The following PDE3B variants were observed in gnomAD, a reference collection of about 807,000 sequenced individuals.
PDE3B encodes cGMP-inhibited 3',5'-cyclic phosphodiesterase 3B.
A neutral mutation model predicts 116.8 loss-of-function variants in PDE3B; 66 were observed. That is an observed-to-expected ratio of 0.56 (90% CI 0.46 to 0.69). The LOEUF (loss-of-function observed/expected upper bound fraction) is 0.69, where lower values mean the gene tolerates loss of function less well. Ranked by LOEUF, PDE3B falls within the 30% of genes least tolerant of loss-of-function variation. The pLI is 0.00. For synonymous variants in PDE3B, 595 were observed against 533.6 expected (o/e 1.12, Z -1.59); for missense variants, 1,384 against 1,368.1 (o/e 1.01, Z -0.18).
At chr11:14,827,573 A>C (rs551178836) in intron 7 of PDE3B, among the ~76,000 whole-genome samples, 1 of 152,300 alleles carries the variant, frequency 6.6e-6, no homozygotes, top group South Asian at 2.1e-4. Context: ...CAATTGCCAC[A>C]AAAAGAATAA....
At chr11:14,761,667 T>G (rs1009782401) in intron 1 of PDE3B, among the ~76,000 whole-genome samples, 2 of 152,150 alleles carry the variant, frequency 1.3e-5, no homozygotes, top group African/African-American at 4.8e-5. Flanking sequence ...TGATTTTTTT[T>G]AACAGACAAG....
At chr11:14,647,386 T>C (rs1382822874) in intron 1 of PDE3B, among the ~76,000 whole-genome samples, 3 of 152,034 alleles carry the variant, frequency 2.0e-5, no homozygotes, top group African/African-American at 7.2e-5. Context: ...AATTAAGGGA[T>C]CCTAGTAGAT....
In PDE3B at chr11:14,772,044, A is replaced by G. The variant is rs746594250; in HGVS notation, c.1029+57A>G. On this transcript the variant is annotated intron_variant, in intron 2 of 15. Transcript: ENST00000282096. ...TAAATAATATCTGTGATCACTAAATAATATCTGTGATGCAACTTTTGACAC... is the reference window on the plus strand; with the variant it reads ...TAAATAATATCTGTGATCACTAAATGATATCTGTGATGCAACTTTTGACAC... 4 of 751,878 alleles carry G rather than the reference A, an allele frequency of 5.3e-6. No individual in the cohort carries two copies. In the South Asian group the frequency reaches 5.4e-5, roughly 10 times the overall value. 46.6% of individuals were successfully genotyped at this position (751,878 alleles called of 1,614,324 possible). A position where few individuals can be genotyped will look rare whatever the true frequency, so the allele number is the denominator to read the frequency against.
At chr11:14,833,565 T>C (rs1337930628) in intron 10 of PDE3B, among the ~76,000 whole-genome samples, 2 of 152,196 alleles carry the variant, frequency 1.3e-5, no homozygotes, top group East Asian at 1.9e-4. Flanking sequence ...AAATTGATCA[T>C]CTAATTTCAG....
chr11:14,675,907 GA>G (rs1361785552), intron 1 of PDE3B, among the ~76,000 whole-genome samples: 1 of 152,090 alleles, frequency 6.6e-6, no homozygotes, highest in African/African-American at 2.4e-5. Flanking sequence ...AAATACCTAA[GA>G]GTGAAATTAA....
intron 1 of PDE3B, among the ~76,000 whole-genome samples, chr11:14,771,334 G>A (rs184426210): frequency 6.6e-6 from 1 of 151,726 alleles, no homozygotes; most frequent in Admixed American, 6.6e-5. Context: ...CAGCCAAAAA[G>A]CTTGTTAGGA....
chr11:14,662,751 T>C (rs1853974224), intron 1 of PDE3B, among the ~76,000 whole-genome samples: 1 of 151,876 alleles, frequency 6.6e-6, no homozygotes, highest in Non-Finnish European at 1.5e-5. Context: ...GAAGGGAAGT[T>C]TAGAGAAAAG....
intron 1 of PDE3B, among the ~76,000 whole-genome samples, chr11:14,681,975 T>C (rs1854723907): frequency 6.6e-6 from 1 of 152,182 alleles, no homozygotes; most frequent in African/African-American, 2.4e-5. Context: ...ACATAAACAG[T>C]CAATTAGCAC....
chr11:14,843,746 C>A, intron 11 of PDE3B, 81 bp from the exon 12 acceptor site: 1 of 997,332 alleles, frequency 1.0e-6, no homozygotes, highest in Non-Finnish European at 1.6e-6. Context: ...AGCATATTAC[C>A]TATGAGAATC....
intron 1 of PDE3B, among the ~76,000 whole-genome samples, chr11:14,750,607 A>G (rs1857034603): frequency 1.3e-5 from 2 of 152,078 alleles, no homozygotes; most frequent in South Asian, 4.1e-4. Context: ...TAGATATGAT[A>G]TAAATTTTAT....
the PDE3B span, chr11:14,891,990 C>T: frequency 6.2e-7 from 1 of 1,613,350 alleles, no homozygotes; most frequent in Non-Finnish European, 8.5e-7. Context: ...CCTCTCCGTA[C>T]ACCTGGCTCT....
At chr11:14,704,505 T>C (rs186450724) in intron 1 of PDE3B, among the ~76,000 whole-genome samples, 1 of 151,880 alleles carries the variant, frequency 6.6e-6, no homozygotes, top group Admixed American at 6.6e-5. Context: ...AAAAAAGAAG[T>C]ACATCATTGG....
intron 1 of PDE3B, among the ~76,000 whole-genome samples, chr11:14,770,645 A>G (rs1375276491): frequency 6.6e-6 from 1 of 151,580 alleles, no homozygotes; most frequent in Non-Finnish European, 1.5e-5. Flanking sequence ...TCTGTTATAT[A>G]TATGGTATAC....
chr11:14,871,075 C>T lies in PDE3B; in HGVS notation c.*1415C>T, dbSNP rs1848132981. 1 of 152,132 alleles carries T rather than the reference C, an allele frequency of 6.6e-6. No homozygotes were observed. Among genetic ancestry groups the T allele is most frequent in the Non-Finnish European group, 1.5e-5 (1 of 68,002 alleles). The allele number at this position is 152,132 out of a possible 1,614,324, so 9.4% of individuals were successfully genotyped here. A position where few individuals can be genotyped will look rare whatever the true frequency, so the allele number is the denominator to read the frequency against. On this transcript the variant is annotated 3_prime_UTR_variant, in exon 16 of 16. Coordinates refer to ENST00000282096, the MANE Select transcript of PDE3B (RefSeq NM_000922.4). ...TATTTTGGAATCATGCAATTTTGCA[C>T]ACAGTGAAACCATTAATTTTCCAAG...
At chr11:14,791,834 G>A (rs1858399124) in intron 4 of PDE3B, among the ~76,000 whole-genome samples, 1 of 151,850 alleles carries the variant, frequency 6.6e-6, no homozygotes, top group Non-Finnish European at 1.5e-5. Flanking sequence ...TATATAAAAT[G>A]GTGTAGTATT....
At chr11:14,645,353 G>A (rs991190400) in intron 1 of PDE3B, among the ~76,000 whole-genome samples, 1 of 152,178 alleles carries the variant, frequency 6.6e-6, no homozygotes, top group African/African-American at 2.4e-5. Context: ...GCAGAAGAAT[G>A]AGGTGAATCA....
intron 1 of PDE3B, among the ~76,000 whole-genome samples, chr11:14,667,459 TAAAA>T (rs903838641): frequency 1.4e-5 from 2 of 143,108 alleles, no homozygotes; most frequent in Non-Finnish European, 3.1e-5. Context: ...TAAATTAAAT[TAAAA>T]AAAAGAAAAT....
chr11:14,680,925 T>A (rs1330220344), intron 1 of PDE3B, among the ~76,000 whole-genome samples: 1 of 152,222 alleles, frequency 6.6e-6, no homozygotes, highest in African/African-American at 2.4e-5. Context: ...TGACTTTTTG[T>A]TTGATTTACA....
intron 5 of PDE3B, among the ~76,000 whole-genome samples, chr11:14,813,131 G>A (rs1859204518): frequency 6.6e-6 from 1 of 152,130 alleles, no homozygotes; most frequent in Non-Finnish European, 1.5e-5. Context: ...AAAATACCTA[G>A]TCTATGGTAT....
Sources: allele counts gnomAD v4.1 joint callset (sites outside exome capture counted in the v4.1 genomes callset), GRCh38; gene constraint gnomAD v4.1.1; transcripts MANE v1.5; gene names NCBI Gene and HGNC (gene_info 2026-07-23, HGNC 2026-07-21).